The following PREX2 variants were observed in gnomAD, a reference collection of about 807,000 sequenced individuals.
PREX2 encodes the protein phosphatidylinositol 3,4,5-trisphosphate-dependent Rac exchanger 2 protein.
In PREX2, 107 loss-of-function variants were observed where a neutral mutation model predicts 203.2. That is an observed-to-expected ratio of 0.53 (90% confidence interval 0.45 to 0.62). PREX2 has a LOEUF of 0.62. Among genes scored for constraint, PREX2 ranks in the 20% least tolerant of loss-of-function variants. PREX2 has a pLI of 0.00. For synonymous variants in PREX2, 672 were observed against 663.6 expected, an observed-to-expected ratio of 1.01 and a Z score of -0.19; for missense variants, 1,777 against 1,955.9, an observed-to-expected ratio of 0.91 and a Z score of 1.72.
At chr8:68,066,576 G>A (rs1054987731) in intron 11 of PREX2, among the ~76,000 whole-genome samples, 10 of 151,750 alleles carry the variant, frequency 6.6e-5, no homozygotes, top group African/African-American at 2.2e-4. Flanking sequence ...TGTATTTTTG[G>A]TATTGCATTG....
chr8:68,211,556 A>T (rs1812743109), intron 37 of PREX2, among the ~76,000 whole-genome samples: 1 of 152,168 alleles, frequency 6.6e-6, no homozygotes, highest in African/African-American at 2.4e-5. Flanking sequence ...GCTGCACTTT[A>T]TGAGGTCAGT....
At position 68,234,782 on chromosome 8, in the gene PREX2, A is replaced by G. The variant is rs750781718; in HGVS notation, c.*3404A>G. 2.0e-5 allele frequency: 3 copies of G among 152,160 alleles called. No homozygotes were observed. The highest frequency in any genetic ancestry group is 4.4e-5 in the Non-Finnish European group (3 of 68,028). The allele number at this position is 152,160 out of a possible 1,614,324, so 9.4% of individuals were successfully genotyped here. A position where few individuals can be genotyped will look rare whatever the true frequency, so the allele number is the denominator to read the frequency against. On this transcript the variant is annotated 3_prime_UTR_variant, in exon 40 of 40. Transcript: ENST00000288368. ...TGCATTCATTGGCCACTCTTCTTGC[A>G]GCAAATTTTAAATCAATTTAAAATT... is the stretch of plus-strand genomic sequence containing the variant.
chr8:67,991,651 C>T (rs534311600), intron 1 of PREX2, among the ~76,000 whole-genome samples: 2 of 152,332 alleles, frequency 1.3e-5, no homozygotes, highest in African/African-American at 4.8e-5. Flanking sequence ...CACCTGGTCT[C>T]TCCCTTGACA....
chr8:68,040,617 C>A (rs1441236615), intron 7 of PREX2, among the ~76,000 whole-genome samples: 1 of 152,134 alleles, frequency 6.6e-6, no homozygotes, highest in African/African-American at 2.4e-5. Context: ...TAGTGTCTTC[C>A]CTGACCATCC....
At chr8:67,958,522 G>T (rs1367310572) in intron 1 of PREX2, among the ~76,000 whole-genome samples, 1 of 152,196 alleles carries the variant, frequency 6.6e-6, no homozygotes, top group Admixed American at 6.5e-5. Flanking sequence ...CTTAGCAAGA[G>T]AATTCTGTTG....
rs1478970691 is a variant in PREX2 at position 68,080,469 on chromosome 8, G to A, written c.1669G>A (p.Glu557Lys). The change falls in exon 16 of 40, where the codon GAA becomes AAA. Residue 557 changes from glutamate to lysine, a missense_variant. Transcript: ENST00000288368. ...HVLEKSEFKD[E>K]PLLFRFFSDE... ...CCTTGAAAAAAGCGAATTCAAAGAT[G>A]AACCCCTACTTTTCCGTTTTTTTTC... 2 of 1,611,604 alleles carry A rather than the reference G, an allele frequency of 1.2e-6. No homozygotes were observed. The highest frequency in any genetic ancestry group is 2.2e-5 in the South Asian group (2 of 90,372).
At chr8:68,038,363 C>T (rs916842723) in intron 7 of PREX2, 71 bp downstream of exon 7, 1 of 1,485,252 alleles carries the variant, frequency 6.7e-7, no homozygotes, top group Non-Finnish European at 9.2e-7. Flanking sequence ...CTTCCCAGAA[C>T]TCATCTATCC....
chr8:67,986,476 A>G (rs202091637), intron 1 of PREX2, among the ~76,000 whole-genome samples: 5 of 94,208 alleles, frequency 5.3e-5, no homozygotes, highest in Non-Finnish European at 8.1e-5. Flanking sequence ...TGGCTTGACT[A>G]CAGGTGGCTT....
intron 8 of PREX2, among the ~76,000 whole-genome samples, chr8:68,048,990 G>A (rs1434795755): frequency 6.6e-6 from 1 of 151,598 alleles, no homozygotes; most frequent in East Asian, 1.9e-4. Context: ...AAGAATATAA[G>A]AATGTAATAG....
intron 1 of PREX2, among the ~76,000 whole-genome samples, chr8:67,961,337 T>C (rs1585655657): frequency 6.6e-6 from 1 of 152,194 alleles, no homozygotes; most frequent in South Asian, 2.1e-4. Context: ...AAAAGTGTTA[T>C]TAAATTTATT....
intron 37 of PREX2, among the ~76,000 whole-genome samples, chr8:68,216,716 G>C (rs1812845166): frequency 6.6e-6 from 1 of 152,112 alleles, no homozygotes; most frequent in Non-Finnish European, 1.5e-5. Flanking sequence ...CCCAGCACTT[G>C]GGAGGCCAAG....
At chr8:68,206,195 C>T (rs1186347625) in intron 37 of PREX2, among the ~76,000 whole-genome samples, 1 of 152,120 alleles carries the variant, frequency 6.6e-6, no homozygotes, top group Non-Finnish European at 1.5e-5. Flanking sequence ...ATTATATCAC[C>T]TCGTCTCTCA....
chr8:68,098,570 A>G (rs1372293846), intron 22 of PREX2, among the ~76,000 whole-genome samples: 1 of 152,222 alleles, frequency 6.6e-6, no homozygotes, highest in East Asian at 1.9e-4. Flanking sequence ...CCAGGTTATT[A>G]TAATTATTTT....
intron 37 of PREX2, among the ~76,000 whole-genome samples, chr8:68,211,190 A>G (rs1159349067): frequency 1.3e-5 from 2 of 152,240 alleles, no homozygotes; most frequent in Non-Finnish European, 2.9e-5. Flanking sequence ...TGAAAAAACA[A>G]TCACAAAGAA....
At chr8:68,165,436 T>TC (rs576554295) in intron 35 of PREX2, among the ~76,000 whole-genome samples, 1 of 152,182 alleles carries the variant, frequency 6.6e-6, no homozygotes, top group African/African-American at 2.4e-5. Flanking sequence ...TCTTTTTTTA[T>TC]CCCCCATCCC....
At chr8:68,107,776 C>G (rs1218454273) in intron 23 of PREX2, among the ~76,000 whole-genome samples, 1 of 152,176 alleles carries the variant, frequency 6.6e-6, no homozygotes, top group African/African-American at 2.4e-5. Context: ...ATGCCACTTG[C>G]CCTGTCAGGC....
In PREX2 at chr8:68,072,583, A is replaced by G. The variant is rs1289229892; in HGVS notation, c.1569+13A>G. On this transcript the variant is annotated intron_variant, in intron 14 of 39. Transcript: ENST00000288368. ...GTTAATTGCACAGGTAAATAGACAA[A>G]TAGAAGTTGCTGAGTTTCACTTGCT... 6.0e-6 allele frequency: 9 copies of G among 1,507,260 alleles called. No homozygotes were observed. The highest frequency in any genetic ancestry group is 8.3e-6 in the Non-Finnish European group (9 of 1,086,202). 93.4% of individuals were successfully genotyped at this position (1,507,260 alleles called of 1,614,324 possible). A position where few individuals can be genotyped will look rare whatever the true frequency, so the allele number is the denominator to read the frequency against.
chr8:68,055,397 C>A (rs1563520848), intron 9 of PREX2, among the ~76,000 whole-genome samples: 1 of 152,116 alleles, frequency 6.6e-6, no homozygotes, highest in Admixed American at 6.5e-5. Context: ...TTCTGTGAAA[C>A]CTTTCTTAAC....
intron 39 of PREX2, among the ~76,000 whole-genome samples, chr8:68,229,468 A>G (rs1291923662): frequency 6.6e-6 from 1 of 152,202 alleles, no homozygotes; most frequent in Non-Finnish European, 1.5e-5. Flanking sequence ...TGAATTCCCA[A>G]AGCTCTGCAA....
Sources: allele counts gnomAD v4.1 joint callset (sites outside exome capture counted in the v4.1 genomes callset), GRCh38; gene constraint gnomAD v4.1.1; transcripts MANE v1.5; gene names NCBI Gene and HGNC (gene_info 2026-07-23, HGNC 2026-07-21).